COG5: variants seen among roughly 807,000 people sequenced by gnomAD.
The protein encoded by COG5 is component of oligomeric golgi complex 5.
COG5 carries 86 observed loss-of-function variants against 110.4 expected under a neutral mutation model. The observed-to-expected ratio is 0.78, with a 90% confidence interval of 0.65 to 0.93. The LOEUF is 0.93. COG5 is among the 40% of genes least tolerant of loss of function. The pLI is 0.00. For missense variants in COG5, 1,077 were observed against 987.0 expected, an observed-to-expected ratio of 1.09 and a Z score of -1.22; for synonymous variants, 360 against 334.6, an observed-to-expected ratio of 1.08 and a Z score of -0.83.
chr7:107,530,620 A>AAT, intron 5 of COG5, among the ~76,000 whole-genome samples: 1 of 151,468 alleles, frequency 6.6e-6, no homozygotes, highest in African/African-American at 2.4e-5. Context: ...AAAAAAAAAA[A>AAT]AAAAAACACA....
At chr7:107,365,490 T>C (rs1813518478) in intron 8 of COG5, among the ~76,000 whole-genome samples, 1 of 150,012 alleles carries the variant, frequency 6.7e-6, no homozygotes, top group South Asian at 2.1e-4. Context: ...TAAATTGCTC[T>C]TAAAACCAAT....
chr7:107,320,832 A>G (rs1809199702), intron 11 of COG5, among the ~76,000 whole-genome samples: 2 of 152,090 alleles, frequency 1.3e-5, no homozygotes, highest in African/African-American at 2.4e-5. Context: ...AAAACTTCAC[A>G]CTGATGTTTT....
At chr7:107,432,146 A>T (rs759564219) in intron 6 of COG5, among the ~76,000 whole-genome samples, 5 of 152,180 alleles carry the variant, frequency 3.3e-5, no homozygotes, top group Admixed American at 6.5e-5. Context: ...TGCCATTCTT[A>T]TTTTGACCAT....
At chr7:107,252,410 T>C (rs1802586262) in intron 16 of COG5, among the ~76,000 whole-genome samples, 1 of 152,112 alleles carries the variant, frequency 6.6e-6, no homozygotes, top group Admixed American at 6.5e-5. Context: ...GTTATAAGCC[T>C]TTCCACAGAG....
In COG5 at chr7:107,508,128, G is replaced by C. The variant is rs142051596; in HGVS notation, c.538+19109C>G. Among the ~76,000 whole-genome samples the C allele has an allele frequency of 2.0e-4, 31 of 152,332 alleles. No individual in the cohort carries two copies. The East Asian group carries it at 5.6e-3, about 28-fold the overall frequency. ...AGGGGTCAGGGAGTTCCCTTTCCTA[G>C]TCAAAGAAAGGGGTGACAGAAGGCA... On this transcript the variant is annotated intron_variant, in intron 6 of 21. Transcript: ENST00000297135.
chr7:107,507,297 CTTTT>C (rs10713224), intron 6 of COG5, among the ~76,000 whole-genome samples: 3 of 131,606 alleles, frequency 2.3e-5, no homozygotes, highest in African/African-American at 5.5e-5. Context: ...CTTTTCTTTT[CTTTT>C]TTTTTTTTTT....
intron 6 of COG5, among the ~76,000 whole-genome samples, chr7:107,525,598 G>A (rs116935645): frequency 0.012 from 1,770 of 151,754 alleles, 14 homozygotes; most frequent in Non-Finnish European, 0.018. Flanking sequence ...TGTCACCCAG[G>A]GTGGAGAACA....
chr7:107,430,701 G>C (rs1319259386), intron 6 of COG5, among the ~76,000 whole-genome samples: 1 of 152,192 alleles, frequency 6.6e-6, no homozygotes, highest in East Asian at 1.9e-4. Flanking sequence ...AATTTGGGAA[G>C]TGCTGCCATC....
At chr7:107,434,373 T>C (rs1418216907) in intron 6 of COG5, among the ~76,000 whole-genome samples, 2 of 152,192 alleles carry the variant, frequency 1.3e-5, no homozygotes, top group Non-Finnish European at 2.9e-5. Context: ...TGCATATCCA[T>C]GTTCACTGCA....
intron 10 of COG5, among the ~76,000 whole-genome samples, chr7:107,351,585 T>G (rs1281491588): frequency 6.6e-6 from 1 of 151,912 alleles, no homozygotes; most frequent in Non-Finnish European, 1.5e-5. Context: ...ATATCTAGAA[T>G]CTACAATAAA....
At chr7:107,234,469 C>T (rs577980494) in intron 18 of COG5, among the ~76,000 whole-genome samples, 4 of 152,256 alleles carry the variant, frequency 2.6e-5, no homozygotes, top group South Asian at 2.1e-4. Context: ...CAGGTGTTAG[C>T]GGCAGTAGCA....
intron 6 of COG5, among the ~76,000 whole-genome samples, chr7:107,456,855 T>C (rs988876417): frequency 1.3e-5 from 2 of 152,222 alleles, no homozygotes; most frequent in African/African-American, 4.8e-5. Context: ...GCATTCAATA[T>C]GGCTCTATGA....
chr7:107,448,138 A>G (rs906667583), intron 6 of COG5, among the ~76,000 whole-genome samples: 5 of 152,212 alleles, frequency 3.3e-5, no homozygotes, highest in African/African-American at 1.2e-4. Flanking sequence ...CCTGGACGAC[A>G]GAGTAAGACT....
At chr7:107,432,729 T>C (rs1033890284) in intron 6 of COG5, among the ~76,000 whole-genome samples, 2 of 152,154 alleles carry the variant, frequency 1.3e-5, no homozygotes, top group African/African-American at 4.8e-5. Flanking sequence ...TATTCTACCA[T>C]GTACTATAAA....
intron 6 of COG5, among the ~76,000 whole-genome samples, chr7:107,500,818 G>C (rs1008485262): frequency 2.6e-5 from 4 of 152,034 alleles, no homozygotes; most frequent in Non-Finnish European, 5.9e-5. Flanking sequence ...GAATAAAACT[G>C]CAAGCTATTT....
At chr7:107,539,095 T>G (rs554972965) in intron 5 of COG5, among the ~76,000 whole-genome samples, 2 of 151,876 alleles carry the variant, frequency 1.3e-5, no homozygotes, top group East Asian at 3.9e-4. Context: ...CTGGGCAACA[T>G]AGTGAGAGAC....
chr7:107,324,958 A>G (rs1377085569), intron 10 of COG5, among the ~76,000 whole-genome samples: 1 of 152,208 alleles, frequency 6.6e-6, no homozygotes, highest in East Asian at 1.9e-4. Context: ...ACGGAGGGCA[A>G]TTTGTGTGAC....
intron 10 of COG5, among the ~76,000 whole-genome samples, chr7:107,342,457 C>G (rs1365928771): frequency 1.3e-5 from 2 of 151,202 alleles, no homozygotes; most frequent in Non-Finnish European, 2.9e-5. Flanking sequence ...GCAGGCGGAT[C>G]ACCTGAGGTC....
intron 10 of COG5, among the ~76,000 whole-genome samples, chr7:107,335,508 G>C (rs1223690095): frequency 6.6e-6 from 1 of 152,066 alleles, no homozygotes; most frequent in East Asian, 1.9e-4. Flanking sequence ...CATACTATCA[G>C]ACAAAAATTA....
Sources: gnomAD v4.1 joint callset for allele counts (sites outside exome capture counted in the v4.1 genomes callset) on GRCh38, gnomAD v4.1.1 for gene constraint, MANE v1.5 for transcripts, NCBI Gene and HGNC (gene_info 2026-07-23, HGNC 2026-07-21) for gene names.